METTL16: variants seen among roughly 807,000 people sequenced by gnomAD.
METTL16 encodes the protein methyltransferase 16, RNA N6-adenosine.
A neutral mutation model predicts 57.9 loss-of-function variants in METTL16; 19 were observed. The observed-to-expected ratio is 0.33, with a 90% CI of 0.23 to 0.48. The LOEUF (loss-of-function observed/expected upper bound fraction) is 0.48, where lower values mean the gene tolerates loss of function less well. METTL16 is among the 20% of genes least tolerant of loss of function. The pLI is 0.99. For missense variants in METTL16, 434 were observed against 691.5 expected, an observed-to-expected ratio of 0.63 and a Z score of 4.18; for synonymous variants, 246 against 255.6, an observed-to-expected ratio of 0.96 and a Z score of 0.36.
intron 2 of METTL16, among the ~76,000 whole-genome samples, chr17:2,486,799 C>T (rs940701650): frequency 6.6e-6 from 1 of 151,262 alleles, no homozygotes; most frequent in Non-Finnish European, 1.5e-5. Flanking sequence ...ATGGTGAAAC[C>T]CTATTTCTAT....
chr17:2,486,931 G>C (rs534039927), intron 2 of METTL16, among the ~76,000 whole-genome samples: 182 of 147,198 alleles, frequency 1.2e-3, no homozygotes, highest in Non-Finnish European at 1.9e-3. Flanking sequence ...TTGAGCCTGG[G>C]AGGTGGAGGC....
intron 2 of METTL16, among the ~76,000 whole-genome samples, chr17:2,497,120 C>G (rs987130029): frequency 2.0e-5 from 3 of 151,330 alleles, no homozygotes; most frequent in Admixed American, 2.0e-4. Flanking sequence ...ATTCTCCTGC[C>G]TCAGCCTCCC....
At chr17:2,440,632 G>C (rs1361320325) in intron 7 of METTL16, among the ~76,000 whole-genome samples, 1 of 151,714 alleles carries the variant, frequency 6.6e-6, no homozygotes, top group Non-Finnish European at 1.5e-5. Flanking sequence ...TTGAATATAA[G>C]ACCTGAAAGT....
chr17:2,448,766 TAA>T (rs1567889867), intron 6 of METTL16, among the ~76,000 whole-genome samples: 1 of 37,220 alleles, frequency 2.7e-5, no homozygotes, highest in African/African-American at 1.0e-4. Context: ...ATAAAAAAAA[TAA>T]AAAATAAAAA....
chr17:2,450,041 A>G (rs1161904497), intron 6 of METTL16, among the ~76,000 whole-genome samples: 1 of 152,208 alleles, frequency 6.6e-6, no homozygotes, highest in Non-Finnish European at 1.5e-5. Context: ...GGAATGTAAA[A>G]TGCTGTATAG....
intron 3 of METTL16, among the ~76,000 whole-genome samples, chr17:2,476,981 G>A (rs2067272867): frequency 6.6e-6 from 1 of 150,708 alleles, no homozygotes; most frequent in South Asian, 2.1e-4. Flanking sequence ...ATCAGAATAC[G>A]AACACATCAA....
intron 6 of METTL16, among the ~76,000 whole-genome samples, chr17:2,449,081 T>A (rs910635980): frequency 6.6e-6 from 1 of 151,384 alleles, no homozygotes; most frequent in African/African-American, 2.4e-5. Context: ...TTTCTTATAG[T>A]AGCAATACCT....
chr17:2,420,170 C>T lies in METTL16; in HGVS notation c.1489G>A (p.Gly497Ser), dbSNP rs184267301. 125 of 1,614,224 alleles carry T rather than the reference C, an allele frequency of 7.7e-5. No homozygotes were observed. In the African/African-American group the frequency reaches 1.1e-3, roughly 14 times the overall value. The change falls in exon 10 of 10, where the codon GGC becomes AGC. Residue 497 changes from glycine to serine, a missense_variant. Physicochemically the swap from Gly to Ser is moderately conservative, Grantham distance 56. Transcript: ENST00000263092. The surrounding 1 kb of genome is among the most constrained non-coding windows in gnomAD (Gnocchi z 5.4). ...AQDQEASEQF[G>S]SPVAERGKRL... ...TTCCCCCTTTCAGCCACTGGGCTGCCGAACTGCTCAGAAGCCTCTTGGTCC... is the reference window on the plus strand; with the variant it reads ...TTCCCCCTTTCAGCCACTGGGCTGCTGAACTGCTCAGAAGCCTCTTGGTCC...
At chr17:2,492,160 G>A (rs950232240) in intron 2 of METTL16, among the ~76,000 whole-genome samples, 16 of 151,788 alleles carry the variant, frequency 1.1e-4, no homozygotes, top group Admixed American at 2.6e-4. Context: ...GCAGTGAGCC[G>A]AGATTGCGCC....
At chr17:2,484,330 T>C (rs529417289) in intron 2 of METTL16, among the ~76,000 whole-genome samples, 2 of 152,274 alleles carry the variant, frequency 1.3e-5, no homozygotes, top group South Asian at 4.1e-4. Context: ...AAAAAGTCAA[T>C]TAAACCAAAG....
chr17:2,498,336 C>T (rs773340502), intron 2 of METTL16, among the ~76,000 whole-genome samples: 10 of 151,460 alleles, frequency 6.6e-5, no homozygotes, highest in Admixed American at 2.0e-4. Flanking sequence ...CTCTTGAACC[C>T]GGGAGGCAGA....
At chr17:2,433,645 G>A (rs11871876) in intron 8 of METTL16, among the ~76,000 whole-genome samples, 4,940 of 152,304 alleles carry the variant, frequency 0.032, 296 homozygotes, top group African/African-American at 0.11. Context: ...TAGTTCACTC[G>A]ATTGCTGTCA....
At position 2,420,401 on chromosome 17, in the gene METTL16, G is replaced by C; in HGVS notation, c.1258C>G (p.Gln420Glu). The change falls in exon 10 of 10, where the codon CAA becomes GAA. Residue 420 changes from glutamine to glutamate, a missense_variant. By Grantham distance (29) the Gln-to-Glu change is conservative. Transcript: ENST00000263092. The surrounding 1 kb of genome is among the most constrained non-coding windows in gnomAD (Gnocchi z 5.4). ...TCCTGGGGGCCCCTGGCCAGTTCTT[G>C]GCTATTGCCAGACTCTTTGGGGGTG... is the stretch of plus-strand genomic sequence containing the variant. The part of the protein sequence containing the change: ...KPTPKESGNS[Q>E]ELARGPQERT... 6.2e-7 allele frequency: 1 copy of C among 1,613,834 alleles called. No homozygotes were observed. The highest frequency in any genetic ancestry group is 2.2e-5 in the East Asian group (1 of 44,888).
chr17:2,466,266 A>G (rs977134607), intron 5 of METTL16, among the ~76,000 whole-genome samples: 2 of 151,942 alleles, frequency 1.3e-5, no homozygotes, highest in African/African-American at 4.8e-5. Flanking sequence ...AGCTCAGTCC[A>G]GGAGTGGACT....
At chr17:2,447,851 T>TG (rs1203999481) in intron 6 of METTL16, among the ~76,000 whole-genome samples, 5 of 48,320 alleles carry the variant, frequency 1.0e-4, no homozygotes, top group African/African-American at 1.5e-4. Context: ...GGGAGGGAGG[T>TG]GGGGGGTCAG....
intron 3 of METTL16, among the ~76,000 whole-genome samples, chr17:2,476,507 T>C (rs184566058): frequency 1.0e-3 from 154 of 152,168 alleles, no homozygotes; most frequent in Non-Finnish European, 2.0e-3. Context: ...TCTGGTGTCA[T>C]GGAAGCCAAT....
At chr17:2,494,175 C>T (rs894488247) in intron 2 of METTL16, among the ~76,000 whole-genome samples, 1 of 151,912 alleles carries the variant, frequency 6.6e-6, no homozygotes, top group African/African-American at 2.4e-5. Flanking sequence ...CCTCCCGAGT[C>T]GCTGGGAGGT....
intron 8 of METTL16, among the ~76,000 whole-genome samples, chr17:2,423,274 G>A (rs1231170394): frequency 7.0e-6 from 1 of 142,484 alleles, no homozygotes; most frequent in African/African-American, 3.0e-5. Flanking sequence ...GTGTGTGTGT[G>A]TGTGTGTGTG....
At chr17:2,502,830 A>C (rs574880534) in intron 1 of METTL16, among the ~76,000 whole-genome samples, 14 of 152,310 alleles carry the variant, frequency 9.2e-5, no homozygotes, top group African/African-American at 3.1e-4. Flanking sequence ...GATGGTGAAC[A>C]TCATTAGTCA....
Sources: allele counts gnomAD v4.1 joint callset (sites outside exome capture counted in the v4.1 genomes callset), GRCh38; gene constraint gnomAD v4.1.1; non-coding constraint Gnocchi (gnomAD v3.1); transcripts MANE v1.5; gene names NCBI Gene and HGNC (gene_info 2026-07-23, HGNC 2026-07-21).